ADGRL3: variants seen among roughly 807,000 people sequenced by gnomAD.
ADGRL3 encodes calcium-independent alpha-latrotoxin receptor 3.
A neutral mutation model predicts 153.5 loss-of-function variants in ADGRL3; 62 were observed. The ratio of observed to expected loss-of-function variants is 0.40; its 90% confidence interval spans 0.33 to 0.50. The LOEUF is 0.50. Ranked by LOEUF, ADGRL3 falls within the 20% of genes least tolerant of loss-of-function variation. The probability of loss-of-function intolerance (pLI) is 0.47; values close to 1 mark genes in which losing one functional copy is unlikely to be tolerated. For missense variants in ADGRL3, 1,641 were observed against 1,859.4 expected (o/e 0.88, Z 2.16); for synonymous variants, 710 against 672.5 (o/e 1.06, Z -0.86).
At chr4:61,633,957 C>T (rs940005099) in intron 5 of ADGRL3, among the ~76,000 whole-genome samples, 1 of 149,610 alleles carries the variant, frequency 6.7e-6, no homozygotes, top group Non-Finnish European at 1.5e-5. Flanking sequence ...TCCTCATATA[C>T]ATAGTGGGTG....
At chr4:61,815,415 G>T (rs1433659310) in intron 9 of ADGRL3, among the ~76,000 whole-genome samples, 1 of 152,190 alleles carries the variant, frequency 6.6e-6, no homozygotes, top group Non-Finnish European at 1.5e-5. Flanking sequence ...TAGGTAATAA[G>T]CTGATTGGAG....
intron 3 of ADGRL3, among the ~76,000 whole-genome samples, chr4:61,499,369 T>C (rs1473945439): frequency 6.6e-6 from 1 of 152,198 alleles, no homozygotes. Context: ...ATTCATATAC[T>C]TATACATTCA....
At chr4:61,583,598 GTA>G (rs3075153) in intron 4 of ADGRL3, 263,407 of 510,816 alleles carry the variant, frequency 0.52, 69,910 homozygotes, top group East Asian at 0.66. Context: ...TTCACTAGCT[GTA>G]TGTTTGATAT....
chr4:61,456,477 C>CTA (rs1173239786), intron 2 of ADGRL3, among the ~76,000 whole-genome samples: 3 of 105,708 alleles, frequency 2.8e-5, no homozygotes, highest in African/African-American at 7.3e-5. Context: ...ATATCTATAT[C>CTA]TATATATATA....
chr4:61,501,007 A>G (rs907613927), intron 3 of ADGRL3, among the ~76,000 whole-genome samples: 1 of 152,108 alleles, frequency 6.6e-6, no homozygotes, highest in Admixed American at 6.5e-5. Context: ...TCTCCTAGTC[A>G]CTTGGGAGCA....
intron 2 of ADGRL3, among the ~76,000 whole-genome samples, chr4:61,450,945 A>C (rs1407759045): frequency 6.6e-6 from 1 of 152,154 alleles, no homozygotes; most frequent in Admixed American, 6.5e-5. Context: ...ATAAATTCTT[A>C]TGAGTTACAC....
intron 2 of ADGRL3, among the ~76,000 whole-genome samples, chr4:61,460,589 C>T (rs1162778941): frequency 2.0e-5 from 3 of 151,864 alleles, no homozygotes; most frequent in Non-Finnish European, 2.9e-5. Flanking sequence ...TAGTCAGTTC[C>T]CATGCTGCTA....
At chr4:61,974,185 C>G (rs1294934841) in intron 17 of ADGRL3, among the ~76,000 whole-genome samples, 1 of 152,094 alleles carries the variant, frequency 6.6e-6, no homozygotes, top group Non-Finnish European at 1.5e-5. Flanking sequence ...CCAGGCTAGT[C>G]TTGAATTCCT....
intron 5 of ADGRL3, among the ~76,000 whole-genome samples, chr4:61,607,269 C>T (rs191502756): frequency 5.5e-4 from 83 of 152,032 alleles, no homozygotes; most frequent in African/African-American, 2.0e-3. Context: ...TGGAGCCAGT[C>T]GGTTGCCAGA....
intron 21 of ADGRL3, among the ~76,000 whole-genome samples, chr4:62,025,681 T>A (rs537617865): frequency 6.6e-6 from 1 of 152,330 alleles, no homozygotes; most frequent in African/African-American, 2.4e-5. Context: ...GGAATAGTTT[T>A]ATCTTGAGAA....
chr4:62,016,298 C>T (rs1416218000), intron 21 of ADGRL3, among the ~76,000 whole-genome samples: 5 of 152,140 alleles, frequency 3.3e-5, no homozygotes, highest in Non-Finnish European at 7.4e-5. Flanking sequence ...CTGCCCCCCT[C>T]GGCCTCCCAA....
At chr4:61,373,402 G>T (rs2096564386) in intron 1 of ADGRL3, among the ~76,000 whole-genome samples, 1 of 152,030 alleles carries the variant, frequency 6.6e-6, no homozygotes, top group Admixed American at 6.6e-5. Flanking sequence ...TTCATTTATA[G>T]GTATACATAA....
At chr4:61,303,426 A>G (rs1334413943) in intron 1 of ADGRL3, among the ~76,000 whole-genome samples, 1 of 152,134 alleles carries the variant, frequency 6.6e-6, no homozygotes, top group African/African-American at 2.4e-5. Context: ...TTGACACTTA[A>G]TAAGGTGATA....
intron 1 of ADGRL3, among the ~76,000 whole-genome samples, chr4:61,376,064 T>C (rs1438806117): frequency 6.6e-6 from 1 of 152,176 alleles, no homozygotes; most frequent in Non-Finnish European, 1.5e-5. Context: ...AGTACTTAAA[T>C]ATAAATTATT....
At chr4:61,316,835 G>A (rs1021926) in intron 1 of ADGRL3, among the ~76,000 whole-genome samples, 107,503 of 152,090 alleles carry the variant, frequency 0.71, 38,279 homozygotes, top group East Asian at 0.96. Flanking sequence ...CTAACAACAT[G>A]TTAAGTGGCT....
intron 4 of ADGRL3, among the ~76,000 whole-genome samples, chr4:61,578,584 C>G (rs749026449): frequency 6.6e-5 from 10 of 151,896 alleles, no homozygotes; most frequent in Non-Finnish European, 1.3e-4. Flanking sequence ...TATTCTGTGT[C>G]TAATTTTAAG....
intron 6 of ADGRL3, among the ~76,000 whole-genome samples, chr4:61,716,879 A>G (rs891459312): frequency 1.3e-5 from 2 of 152,082 alleles, no homozygotes; most frequent in Non-Finnish European, 2.9e-5. Flanking sequence ...CTTTCCTTTT[A>G]TTATGTAGGC....
chr4:61,695,592 G>C (rs1228942636), intron 6 of ADGRL3, among the ~76,000 whole-genome samples: 1 of 152,064 alleles, frequency 6.6e-6, no homozygotes, highest in South Asian at 2.1e-4. Context: ...TAGTAAATGG[G>C]CACTGGATTC....
chr4:61,751,433 G>T (rs1238134174), intron 8 of ADGRL3, among the ~76,000 whole-genome samples: 3 of 152,150 alleles, frequency 2.0e-5, no homozygotes, highest in African/African-American at 7.2e-5. Flanking sequence ...AAGGCTCAGA[G>T]ATATAAAGTC....
Sources: gnomAD v4.1 joint callset for allele counts (sites outside exome capture counted in the v4.1 genomes callset) on GRCh38, gnomAD v4.1.1 for gene constraint, MANE v1.5 for transcripts, NCBI Gene and HGNC (gene_info 2026-07-23, HGNC 2026-07-21) for gene names.